The following SPTLC2 variants were observed in gnomAD, a reference collection of about 807,000 sequenced individuals.
SPTLC2 encodes the protein serine palmitoyltransferase 2.
In SPTLC2, 21 loss-of-function variants were observed where a neutral mutation model predicts 62.0. The ratio of observed to expected loss-of-function variants is 0.34; its 90% confidence interval spans 0.24 to 0.49. SPTLC2 has a LOEUF of 0.49. SPTLC2 is among the 20% of genes least tolerant of loss of function. The pLI is 0.99. For missense variants in SPTLC2, 511 were observed against 713.0 expected, an observed-to-expected ratio of 0.72 and a Z score of 3.23; for synonymous variants, 261 against 261.8, an observed-to-expected ratio of 1.00 and a Z score of 0.03.
intron 2 of SPTLC2, among the ~76,000 whole-genome samples, chr14:77,592,564 C>T (rs10148189): frequency 0.23 from 35,616 of 152,054 alleles, 4,426 homozygotes; most frequent in East Asian, 0.31. Flanking sequence ...AATGTCCCTT[C>T]GCCGTATCCT....
intron 9 of SPTLC2, among the ~76,000 whole-genome samples, chr14:77,531,025 T>G (rs764732796): frequency 1.3e-5 from 2 of 152,188 alleles, no homozygotes; most frequent in Non-Finnish European, 2.9e-5. Flanking sequence ...GTCTACTACA[T>G]CATGCAGAAT....
intron 2 of SPTLC2, among the ~76,000 whole-genome samples, chr14:77,587,312 GTGAAAC>G (rs2079787293): frequency 1.3e-5 from 2 of 152,066 alleles, no homozygotes; most frequent in Admixed American, 6.6e-5. Flanking sequence ...GCACTATCTA[GTGAAAC>G]TGAAGACATG....
chr14:77,542,160 T>C (rs2079504696), intron 9 of SPTLC2, among the ~76,000 whole-genome samples: 1 of 151,106 alleles, frequency 6.6e-6, no homozygotes, highest in African/African-American at 2.4e-5. Context: ...GAGTAGAGCA[T>C]GTAAAGAAAA....
In SPTLC2 at chr14:77,578,986, T is replaced by C; in HGVS notation, c.451A>G (p.Arg151Gly). Reference protein sequence around the residue: ...VPGARVDIMERQSHDYNWSFK... With the variant: ...VPGARVDIMEGQSHDYNWSFK... ...GACCAGTTATAATCATGAGACTGTC[T>C]CTCCATGATGTCCACCCTGGCTCCA... Residue 151 changes from arginine (R) to glycine (G), a missense_variant, in exon 3 of 12, where the codon AGA becomes GGA. Coordinates refer to ENST00000216484, the MANE Select transcript of SPTLC2 (RefSeq NM_004863.4). 1 of 1,614,076 alleles carries C rather than the reference T, an allele frequency of 6.2e-7. No homozygotes were observed. Among genetic ancestry groups the C allele is most frequent in the Non-Finnish European group, 8.5e-7 (1 of 1,180,014 alleles).
Position 77,527,169 on chromosome 14 carries a change from T to G in SPTLC2, c.1304-5588A>C, listed in dbSNP as rs55993338. ...TGCAGTGCAGTGGTGCGATCTCAGC[T>G]CACTGCAATCTCTGCCTCTCAGGCT... On this transcript the variant is annotated intron_variant, in intron 9 of 11. Transcript: ENST00000216484. 3.8e-3 allele frequency among the ~76,000 whole-genome samples: 582 copies of G among 151,610 alleles called. 2 individuals carry two copies. The highest frequency in any genetic ancestry group is 7.0e-3 in the Non-Finnish European group (477 of 67,918).
In SPTLC2 at chr14:77,581,405, C is replaced by CTCT. The variant is rs1214321769; in HGVS notation, c.328-2297_328-2296insAGA. ...ATTTGCAGTACCTGATACCATCTCT[C>CTCT]TTTTTTTTTTTTTTTTTTTTTTGAG... is the stretch of plus-strand genomic sequence containing the variant. On this transcript the variant is annotated intron_variant, in intron 2 of 11. Transcript: ENST00000216484. Among the ~76,000 whole-genome samples the CTCT allele has an allele frequency of 7.1e-4, 67 of 94,032 alleles. 2 individuals are homozygous for CTCT. Among genetic ancestry groups the CTCT allele is most frequent in the African/African-American group, 2.4e-3 (59 of 25,050 alleles). The allele number at this position is 94,032 out of a possible 152,430, so 61.7% of individuals were successfully genotyped here. A position where few individuals can be genotyped will look rare whatever the true frequency, so the allele number is the denominator to read the frequency against.
chr14:77,597,100 T>C, intron 2 of SPTLC2, 86 bp downstream of exon 2: 1 of 1,400,364 alleles, frequency 7.1e-7, no homozygotes, highest in Non-Finnish European at 9.8e-7. Flanking sequence ...TGTACCCAAA[T>C]TTCTGAGAAA....
intron 10 of SPTLC2, among the ~76,000 whole-genome samples, chr14:77,519,453 G>A (rs984456847): frequency 6.6e-6 from 1 of 151,404 alleles, no homozygotes; most frequent in Non-Finnish European, 1.5e-5. Flanking sequence ...CCAGTGGCTC[G>A]TGCCTGTAAT....
chr14:77,562,573 T>C (rs1168382892), intron 5 of SPTLC2, 84 bp from the exon 6 acceptor site: 6 of 1,010,732 alleles, frequency 5.9e-6, no homozygotes, highest in African/African-American at 4.7e-5. Context: ...CAAACACTAA[T>C]AGCTGTATCT....
intron 1 of SPTLC2, among the ~76,000 whole-genome samples, chr14:77,615,813 A>T (rs2079963382): frequency 6.6e-6 from 1 of 152,172 alleles, no homozygotes; most frequent in South Asian, 2.1e-4. Context: ...GGGCCACCTA[A>T]TCCAACCTGG....
At chr14:77,593,311 A>T (rs1207973303) in intron 2 of SPTLC2, among the ~76,000 whole-genome samples, 1 of 151,920 alleles carries the variant, frequency 6.6e-6, no homozygotes, top group Non-Finnish European at 1.5e-5. Context: ...TCTGAATTAA[A>T]TTTTTTCATT....
intron 9 of SPTLC2, among the ~76,000 whole-genome samples, chr14:77,530,315 TTA>T (rs988518501): frequency 4.2e-4 from 34 of 81,884 alleles, no homozygotes; most frequent in African/African-American, 1.2e-3. Flanking sequence ...AGGATCTTTT[TTA>T]AAAAAAAAAA....
At chr14:77,519,914 C>G (rs1377353942) in intron 10 of SPTLC2, among the ~76,000 whole-genome samples, 1 of 151,890 alleles carries the variant, frequency 6.6e-6, no homozygotes, top group African/African-American at 2.4e-5. Flanking sequence ...CTTAAATGCA[C>G]AAATTTATTT....
chr14:77,597,441 A>T, intron 1 of SPTLC2, 61 bp from the exon 2 acceptor site: 2 of 1,488,744 alleles, frequency 1.3e-6, no homozygotes, highest in Admixed American at 3.5e-5. Flanking sequence ...CCTACCTAAA[A>T]TCTAGGTCCT....
chr14:77,558,813 G>A (rs1161277214), intron 6 of SPTLC2, among the ~76,000 whole-genome samples: 2 of 151,792 alleles, frequency 1.3e-5, no homozygotes, highest in Non-Finnish European at 1.5e-5. Flanking sequence ...GTAGAGGTGG[G>A]GTTTCACCAT....
intron 10 of SPTLC2, among the ~76,000 whole-genome samples, chr14:77,519,712 C>T (rs2079376761): frequency 6.6e-6 from 1 of 152,158 alleles, no homozygotes; most frequent in South Asian, 2.1e-4. Context: ...AGATCCTGCA[C>T]ATTTGGCATT....
At chr14:77,569,861 A>ATATACAATATTATAT (rs2079670389) in intron 5 of SPTLC2, among the ~76,000 whole-genome samples, 1 of 144,748 alleles carries the variant, frequency 6.9e-6, no homozygotes, top group Non-Finnish European at 1.5e-5. Flanking sequence ...TATGTATATA[A>ATATACAATATTATAT]ATATATAAAC....
Position 77,615,513 on chromosome 14 carries a change from A to G in SPTLC2, c.132+935T>C, listed in dbSNP as rs145390080. On this transcript the variant is annotated intron_variant, in intron 1 of 11. Coordinates refer to ENST00000216484, the MANE Select transcript of SPTLC2 (RefSeq NM_004863.4). ...TATCTGTACAAGACTTAAACGTATTAAAGTCAACTGCAAAATTATCGCAAC... is the reference window on the plus strand; with the variant it reads ...TATCTGTACAAGACTTAAACGTATTGAAGTCAACTGCAAAATTATCGCAAC... Among the ~76,000 whole-genome samples the G allele has an allele frequency of 1.5e-4, 23 of 152,376 alleles. No individual in the cohort carries two copies. The East Asian group carries it at 2.5e-3, about 17-fold the overall frequency.
intron 2 of SPTLC2, among the ~76,000 whole-genome samples, chr14:77,589,635 C>G (rs138781258): frequency 0.063 from 9,621 of 152,010 alleles, 407 homozygotes; most frequent in Non-Finnish European, 0.096. Context: ...ACTAAAAATA[C>G]AAAAATTAGC....
Sources: allele counts gnomAD v4.1 joint callset (sites outside exome capture counted in the v4.1 genomes callset), GRCh38; gene constraint gnomAD v4.1.1; transcripts MANE v1.5; gene names NCBI Gene and HGNC (gene_info 2026-07-23, HGNC 2026-07-21).